CEP128: variants seen among roughly 807,000 people sequenced by gnomAD.
CEP128 encodes centrosomal protein 128kDa.
CEP128 carries 132 observed loss-of-function variants against 156.7 expected under a neutral mutation model. That is an observed-to-expected ratio of 0.84 (90% confidence interval 0.73 to 0.97). The LOEUF (loss-of-function observed/expected upper bound fraction) is 0.97. Ranked by LOEUF, CEP128 falls within the 50% of genes least tolerant of loss-of-function variation. CEP128 has a pLI of 0.00. For missense variants in CEP128, 1,252 were observed against 1,281.9 expected (o/e 0.98, Z 0.36); for synonymous variants, 469 against 448.9 (o/e 1.04, Z -0.57).
At chr14:80,522,800 G>A (rs550464044) in intron 23 of CEP128, among the ~76,000 whole-genome samples, 3 of 152,340 alleles carry the variant, frequency 2.0e-5, no homozygotes, top group African/African-American at 7.2e-5. Flanking sequence ...TAGGCTTGAT[G>A]AAAGAGAGGC....
chr14:80,772,400 G>C (rs1448592342), intron 16 of CEP128, among the ~76,000 whole-genome samples: 1 of 152,070 alleles, frequency 6.6e-6, no homozygotes, highest in East Asian at 1.9e-4. Flanking sequence ...AACTCCAGGG[G>C]AAGATCATCT....
At chr14:80,899,788 A>G (rs1458052810) in intron 7 of CEP128, 150 bp downstream of exon 7, 2 of 512,090 alleles carry the variant, frequency 3.9e-6, no homozygotes, top group East Asian at 6.1e-5. Context: ...TCTAAATTCA[A>G]AGGGCTGTAA....
chr14:80,924,475 A>G (rs1885039051), intron 2 of CEP128, among the ~76,000 whole-genome samples: 1 of 152,210 alleles, frequency 6.6e-6, no homozygotes, highest in African/African-American at 2.4e-5. Flanking sequence ...CATAGTCTTG[A>G]TGGGAGAGAA....
At chr14:80,740,337 T>C (rs1057472996) in intron 19 of CEP128, among the ~76,000 whole-genome samples, 1 of 152,078 alleles carries the variant, frequency 6.6e-6, no homozygotes, top group African/African-American at 2.4e-5. Context: ...CTCAATTGTG[T>C]GCCTGTCAAA....
intron 9 of CEP128, 83 bp from the exon 10 acceptor site, chr14:80,840,851 G>A (rs1886318474): frequency 2.4e-6 from 2 of 823,514 alleles, no homozygotes; most frequent in South Asian, 1.5e-5. Context: ...ATGTATTAGG[G>A]CTGAAGAAGA....
chr14:80,878,000 C>T (rs1403230720), intron 8 of CEP128, among the ~76,000 whole-genome samples: 6 of 152,104 alleles, frequency 3.9e-5, no homozygotes, highest in Non-Finnish European at 5.9e-5. Flanking sequence ...AGTGGCACCC[C>T]GCATGGCACA....
chr14:80,955,625 A>G, intron 2 of CEP128: 1 of 1,606,998 alleles, frequency 6.2e-7, no homozygotes, highest in South Asian at 1.1e-5. Flanking sequence ...CGAGGTGCAG[A>G]GCTGAGAATG....
intron 2 of CEP128, among the ~76,000 whole-genome samples, chr14:80,920,430 C>T (rs1488727243): frequency 6.6e-6 from 1 of 152,290 alleles, no homozygotes; most frequent in East Asian, 1.9e-4. Flanking sequence ...ATATAACTGA[C>T]TCAAAAAGAA....
intron 19 of CEP128, among the ~76,000 whole-genome samples, chr14:80,586,262 T>G (rs1891817957): frequency 1.3e-5 from 2 of 152,220 alleles, no homozygotes; most frequent in African/African-American, 2.4e-5. Flanking sequence ...CCCACCAAGC[T>G]CCTTCCTATC....
chr14:80,576,934 T>C (rs1349290219), intron 20 of CEP128, among the ~76,000 whole-genome samples: 3 of 152,156 alleles, frequency 2.0e-5, no homozygotes, highest in Non-Finnish European at 2.9e-5. Flanking sequence ...TGAGAGTTGA[T>C]TGACAGGTAT....
intron 13 of CEP128, among the ~76,000 whole-genome samples, chr14:80,801,113 C>T (rs1361811003): frequency 1.3e-5 from 2 of 152,164 alleles, no homozygotes; most frequent in African/African-American, 4.8e-5. Context: ...GGTCAGCTTG[C>T]TTATGAGTTC....
At chr14:80,620,838 C>T (rs1893448501) in intron 19 of CEP128, among the ~76,000 whole-genome samples, 1 of 152,278 alleles carries the variant, frequency 6.6e-6, no homozygotes, top group Non-Finnish European at 1.5e-5. Context: ...TAAAATCATA[C>T]AAATAGTATG....
intron 24 of CEP128, among the ~76,000 whole-genome samples, chr14:80,503,215 AT>A (rs1237461428): frequency 6.6e-6 from 1 of 152,198 alleles, no homozygotes. Context: ...AGATTTTACA[AT>A]GTAAACTATA....
At chr14:80,826,586 G>A (rs904920084) in intron 13 of CEP128, among the ~76,000 whole-genome samples, 2 of 151,856 alleles carry the variant, frequency 1.3e-5, no homozygotes, top group African/African-American at 2.4e-5. Context: ...TATTTGTATT[G>A]TACTAATCAT....
At chr14:80,853,574 T>C (rs1449537310) in intron 9 of CEP128, among the ~76,000 whole-genome samples, 3 of 151,512 alleles carry the variant, frequency 2.0e-5, no homozygotes, top group African/African-American at 7.3e-5. Context: ...TAAAAATAAG[T>C]CTAACAAAAG....
chr14:80,912,468 A>G (rs898150832), intron 4 of CEP128, among the ~76,000 whole-genome samples: 1 of 152,194 alleles, frequency 6.6e-6, no homozygotes, highest in African/African-American at 2.4e-5. Context: ...ATACTCTACT[A>G]ATGGTTAATA....
At position 80,671,326 on chromosome 14, in the gene CEP128, G is replaced by C. The variant is rs550178142; in HGVS notation, c.2806+71749C>G. 2.6e-5 allele frequency among the ~76,000 whole-genome samples: 4 copies of C among 152,266 alleles called. No individual in the cohort carries two copies. The East Asian group carries it at 7.7e-4, about 29-fold the overall frequency. On this transcript the variant is annotated intron_variant, in intron 19 of 24. Transcript: ENST00000555265. ...TAAATACAGGGAATAAGGCTGACAG[G>C]TTACCTCTTTATAGTTAAAAGGCCT... is the stretch of plus-strand genomic sequence containing the variant.
intron 2 of CEP128, among the ~76,000 whole-genome samples, chr14:80,933,654 A>G (rs749148758): frequency 6.6e-6 from 1 of 152,218 alleles, no homozygotes; most frequent in Non-Finnish European, 1.5e-5. Context: ...ACTATGGGAC[A>G]TCTGTCTCAT....
chr14:80,867,508 T>C (rs1887824142), intron 8 of CEP128, among the ~76,000 whole-genome samples: 1 of 152,068 alleles, frequency 6.6e-6, no homozygotes. Flanking sequence ...TGAACAAAAT[T>C]AGAAATTCAG....
Sources: gnomAD v4.1 joint callset for allele counts (sites outside exome capture counted in the v4.1 genomes callset) on GRCh38, gnomAD v4.1.1 for gene constraint, MANE v1.5 for transcripts, NCBI Gene and HGNC (gene_info 2026-07-23, HGNC 2026-07-21) for gene names.